SUZ12: variants seen among roughly 807,000 people sequenced by gnomAD.
SUZ12 encodes polycomb protein SUZ12.
A neutral mutation model predicts 87.3 loss-of-function variants in SUZ12; 17 were observed. That is an observed-to-expected ratio of 0.19 (90% confidence interval 0.13 to 0.29). The LOEUF is 0.29. SUZ12 is among the 10% of genes least tolerant of loss of function. The probability of loss-of-function intolerance (pLI) is 1.00; values close to 1 mark genes in which losing one functional copy is unlikely to be tolerated. For missense variants in SUZ12, 526 were observed against 912.2 expected (o/e 0.58, Z 5.45); for synonymous variants, 253 against 312.4 (o/e 0.81, Z 2.01).
At position 31,937,499 on chromosome 17, in the gene SUZ12, CT is replaced by C. The variant is rs1555582420; in HGVS notation, c.257del (p.Phe86SerfsTer21). 2 of 1,541,326 alleles carry C rather than the reference CT, an allele frequency of 1.3e-6. No homozygotes were observed. On this transcript the variant is annotated frameshift_variant, in exon 1 of 16. Coordinates refer to ENST00000322652, the MANE Select transcript of SUZ12 (RefSeq NM_015355.4). LOFTEE classifies it high-confidence loss of function. ...KMEHVQADHE[L>X]FLQAFEKPTQ... ...GGAGCACGTCCAGGCTGACCACGAG[CT>C]TTTCCTCCAGGCCTTTGAGAGTGAG...
chr17:31,954,490 T>C (rs767455852), intron 4 of SUZ12, among the ~76,000 whole-genome samples: 1 of 152,188 alleles, frequency 6.6e-6, no homozygotes, highest in Non-Finnish European at 1.5e-5. Context: ...GTTTCATTTA[T>C]GTAGTGTGCA....
intron 4 of SUZ12, among the ~76,000 whole-genome samples, chr17:31,951,137 G>C (rs1240129740): frequency 6.6e-6 from 1 of 152,118 alleles, no homozygotes; most frequent in Non-Finnish European, 1.5e-5. Context: ...GGTCTAGTCT[G>C]GGAGTCTTCC....
In SUZ12 at chr17:31,937,209, C is replaced by T. The variant is rs918104141; in HGVS notation, c.-38C>T. 7 of 1,395,400 alleles carry T rather than the reference C, an allele frequency of 5.0e-6. No homozygotes were observed. The highest frequency in any genetic ancestry group is 1.6e-5 in the South Asian group (1 of 63,130). The allele number at this position is 1,395,400 out of a possible 1,614,324, so 86.4% of individuals were successfully genotyped here. On this transcript the variant is annotated 5_prime_UTR_variant, in exon 1 of 16. Coordinates refer to ENST00000322652, the MANE Select transcript of SUZ12 (RefSeq NM_015355.4). ...CAGGCGCTTGCTCTCCGGGGCCGCC[C>T]GGCGGGTAGCTGGCGGGGGGAGGAG...
At chr17:31,941,503 C>T (rs536145891) in intron 3 of SUZ12, among the ~76,000 whole-genome samples, 3 of 151,796 alleles carry the variant, frequency 2.0e-5, no homozygotes, top group African/African-American at 7.2e-5. Flanking sequence ...GTGATCCACC[C>T]GCCTCGGCCT....
intron 9 of SUZ12, 113 bp from the exon 10 acceptor site, chr17:31,988,207 C>G: frequency 9.4e-7 from 1 of 1,064,606 alleles, no homozygotes; most frequent in Non-Finnish European, 1.3e-6. Context: ...ATTTTCAAGA[C>G]AAATCTATTA....
chr17:31,988,561 G>A lies in SUZ12; in HGVS notation c.1201+64G>A, dbSNP rs1320379903. The A allele has an allele frequency of 1.4e-5, 20 of 1,403,868 alleles. No homozygotes were observed. The South Asian group carries it at 2.4e-4, about 17-fold the overall frequency. The allele number at this position is 1,403,868 out of a possible 1,614,324, so 87.0% of individuals were successfully genotyped here. A position where few individuals can be genotyped will look rare whatever the true frequency, so the allele number is the denominator to read the frequency against. On this transcript the variant is annotated intron_variant, in intron 10 of 15. Coordinates refer to ENST00000322652, the MANE Select transcript of SUZ12 (RefSeq NM_015355.4). Reference sequence around the variant, plus strand: ...TTGCAGAGTTAGGTCTTGTGCTTTAGATTAATTCATTTGTGTTTTGCTTTA... The same window carrying A: ...TTGCAGAGTTAGGTCTTGTGCTTTAAATTAATTCATTTGTGTTTTGCTTTA...
At chr17:31,976,386 T>C in intron 7 of SUZ12, 135 bp from the exon 8 acceptor site, 1 of 653,758 alleles carries the variant, frequency 1.5e-6, no homozygotes, top group South Asian at 2.4e-5. Flanking sequence ...ACATGTGGTC[T>C]GTATATTATT....
chr17:31,967,907 C>A (rs1407533790), intron 5 of SUZ12, among the ~76,000 whole-genome samples: 1 of 152,122 alleles, frequency 6.6e-6, no homozygotes, highest in African/African-American at 2.4e-5. Context: ...TGGCTCACAG[C>A]TATAACGTCA....
chr17:31,986,021 T>C (rs1274708596), intron 9 of SUZ12, among the ~76,000 whole-genome samples: 1 of 151,046 alleles, frequency 6.6e-6, no homozygotes, highest in South Asian at 2.1e-4. Context: ...AGAGGTGGAG[T>C]GCAATGGCGC....
intron 9 of SUZ12, among the ~76,000 whole-genome samples, chr17:31,986,113 C>T (rs565761443): frequency 5.9e-5 from 9 of 152,196 alleles, no homozygotes; most frequent in African/African-American, 2.2e-4. Flanking sequence ...AGATTACTGG[C>T]ATGCGCCACC....
intron 4 of SUZ12, among the ~76,000 whole-genome samples, chr17:31,949,250 T>C (rs1428017206): frequency 6.6e-6 from 1 of 152,238 alleles, no homozygotes; most frequent in African/African-American, 2.4e-5. Flanking sequence ...TCTGAACAAT[T>C]GTTTCCCCAG....
At chr17:31,955,407 G>A (rs983173526) in intron 4 of SUZ12, among the ~76,000 whole-genome samples, 38 of 151,918 alleles carry the variant, frequency 2.5e-4, no homozygotes, top group Non-Finnish European at 4.7e-4. Context: ...TCAGCCTACC[G>A]AATAGCCTAG....
chr17:31,962,970 A>C (rs1314782666), intron 4 of SUZ12, among the ~76,000 whole-genome samples: 1 of 152,196 alleles, frequency 6.6e-6, no homozygotes, highest in East Asian at 1.9e-4. Context: ...TCTTTCACTT[A>C]TGTTTTGGGT....
At chr17:31,988,285 G>A in intron 9 of SUZ12, 35 bp from the exon 10 acceptor site, 1 of 1,494,098 alleles carries the variant, frequency 6.7e-7, no homozygotes, top group Non-Finnish European at 8.9e-7. Flanking sequence ...TTCATTATCT[G>A]AGTCTCCAGT....
At chr17:31,945,341 A>G (rs892015065) in intron 3 of SUZ12, among the ~76,000 whole-genome samples, 4 of 152,158 alleles carry the variant, frequency 2.6e-5, no homozygotes, top group African/African-American at 7.2e-5. Context: ...CAGTCGTGAT[A>G]TTAATTCTGG....
intron 4 of SUZ12, among the ~76,000 whole-genome samples, chr17:31,951,315 G>A (rs1387011696): frequency 6.6e-6 from 1 of 152,170 alleles, no homozygotes; most frequent in Non-Finnish European, 1.5e-5. Flanking sequence ...TATGACATTT[G>A]TAGTAATTTA....
chr17:31,995,088 C>T (rs1388403711), intron 13 of SUZ12, among the ~76,000 whole-genome samples: 2 of 152,034 alleles, frequency 1.3e-5, no homozygotes, highest in African/African-American at 4.8e-5. Flanking sequence ...AAGAGCAAAA[C>T]TTCGTCTCAA....
At position 31,995,669 on chromosome 17, in the gene SUZ12, T is replaced by C. The variant is rs1448199465; in HGVS notation, c.1701T>C (p.His567=). The C allele has an allele frequency of 4.3e-6, 7 of 1,613,908 alleles. No homozygotes were observed. In the African/African-American group the frequency reaches 8.0e-5, roughly 18 times the overall value. The change falls in exon 14 of 16, where the codon CAT becomes CAC. Residue 567 remains histidine (H), a synonymous_variant. Coordinates refer to ENST00000322652, the MANE Select transcript of SUZ12 (RefSeq NM_015355.4). ...GTGGCCACAATCGTCTGTATTTCCA[T>C]AGTGATACCTGCTTACCTCTCCGTC... ...YSSGHNRLYF[H]SDTCLPLRPQ...
intron 10 of SUZ12, among the ~76,000 whole-genome samples, chr17:31,993,029 T>A (rs1043892890): frequency 1.5e-4 from 23 of 152,100 alleles, no homozygotes; most frequent in Admixed American, 1.5e-3. Flanking sequence ...AGGAAAAAAA[T>A]AAGTCCTGCC....
Sources: gnomAD v4.1 joint callset for allele counts (sites outside exome capture counted in the v4.1 genomes callset) on GRCh38, gnomAD v4.1.1 for gene constraint, MANE v1.5 for transcripts, NCBI Gene and HGNC (gene_info 2026-07-23, HGNC 2026-07-21) for gene names.